Variants in SLC5A4 observed in about 807,000 individuals in gnomAD.
SLC5A4 encodes the protein probable glucose sensor protein SLC5A4.
A neutral mutation model predicts 70.3 loss-of-function variants in SLC5A4; 55 were observed. The observed-to-expected ratio is 0.78, with a 90% CI of 0.63 to 0.98. The LOEUF is 0.98. SLC5A4 is among the 50% of genes least tolerant of loss of function. The probability of loss-of-function intolerance (pLI) is 0.00; values close to 1 mark genes in which losing one functional copy is unlikely to be tolerated. For missense variants in SLC5A4, 735 were observed against 839.2 expected (o/e 0.88, Z 1.53); for synonymous variants, 268 against 305.7 (o/e 0.88, Z 1.29).
the SLC5A4 span, among the ~76,000 whole-genome samples, chr22:32,331,071 A>ATGTGTTGAAGGCTCTGGTGTGTG: frequency 4.7e-5 from 1 of 21,434 alleles, no homozygotes; most frequent in African/African-American, 1.8e-4. Context: ...TCTGGTGTGT[A>ATGTGTTGAAGGCTCTGGTGTGTG]TGTGTTGAAG....
chr22:32,221,011 C>G lies in SLC5A4; in HGVS notation c.1677G>C (p.Leu559=), dbSNP rs764507008. ...CTGTACTGTTCCGAAGAACCCAGCA[C>G]AGGCGGTACAGCTGAACAGGGACCA... ...KPIPDVHLYR[L]CWVLRNSTEE... Residue 559 remains leucine, a synonymous_variant, in exon 14 of 15, where the codon CTG becomes CTC. Coordinates refer to ENST00000266086, the MANE Select transcript of SLC5A4 (RefSeq NM_014227.3). The G allele has an allele frequency of 6.8e-6, 11 of 1,612,748 alleles. No individual in the cohort carries two copies. The South Asian group carries it at 1.1e-4, about 16-fold the overall frequency.
chr22:32,323,080 A>T, the SLC5A4 span, among the ~76,000 whole-genome samples: 605 of 152,312 alleles, frequency 4.0e-3, 8 homozygotes, highest in Non-Finnish European at 1.4e-3. Flanking sequence ...TTTGCTTAGA[A>T]ATTCTCAGGA....
At chr22:32,261,073 A>AAT in the SLC5A4 span, among the ~76,000 whole-genome samples, 24 of 149,882 alleles carry the variant, frequency 1.6e-4, no homozygotes, top group Admixed American at 1.4e-3. Context: ...AAAAAAAAAA[A>AAT]GTCACGAGCA....
chr22:32,275,524 A>G, the SLC5A4 span, among the ~76,000 whole-genome samples: 1 of 152,176 alleles, frequency 6.6e-6, no homozygotes, highest in Non-Finnish European at 1.5e-5. Flanking sequence ...AGCTTCATCC[A>G]CGTCCCTACA....
chr22:32,300,411 G>C, the SLC5A4 span, among the ~76,000 whole-genome samples: 12 of 152,130 alleles, frequency 7.9e-5, no homozygotes, highest in Non-Finnish European at 1.6e-4. Flanking sequence ...GGGTGGGAGT[G>C]ACCTGATTTT....
At chr22:32,312,386 C>CACACACATAT in the SLC5A4 span, among the ~76,000 whole-genome samples, 3 of 150,320 alleles carry the variant, frequency 2.0e-5, no homozygotes, top group Non-Finnish European at 4.4e-5. Flanking sequence ...CACACACACA[C>CACACACATAT]GCACATTCAA....
At chr22:32,279,146 G>T in the SLC5A4 span, among the ~76,000 whole-genome samples, 4 of 152,104 alleles carry the variant, frequency 2.6e-5, no homozygotes, top group Non-Finnish European at 5.9e-5. Context: ...CGTGGTGGCG[G>T]GCACCTGTAG....
intron 7 of SLC5A4, among the ~76,000 whole-genome samples, chr22:32,236,587 T>C (rs953766683): frequency 2.0e-5 from 3 of 152,218 alleles, no homozygotes; most frequent in African/African-American, 7.2e-5. Flanking sequence ...AAAAATTCTA[T>C]GTAAATGAAA....
the SLC5A4 span, among the ~76,000 whole-genome samples, chr22:32,351,486 A>G: frequency 1.3e-5 from 2 of 151,480 alleles, no homozygotes; most frequent in Non-Finnish European, 2.9e-5. Context: ...GGAAGATCAC[A>G]AGGTCAGGAG....
At chr22:32,321,035 C>T in the SLC5A4 span, among the ~76,000 whole-genome samples, 1 of 152,216 alleles carries the variant, frequency 6.6e-6, no homozygotes, top group Non-Finnish European at 1.5e-5. Flanking sequence ...CGCCTATAAT[C>T]CCAGCATTTT....
chr22:32,241,803 G>GTATGTGTA (rs1555989949), intron 5 of SLC5A4, among the ~76,000 whole-genome samples: 1 of 147,914 alleles, frequency 6.8e-6, no homozygotes, highest in African/African-American at 2.6e-5. Flanking sequence ...GTGTGTGTGT[G>GTATGTGTA]TATATATATC....
chr22:32,349,454 C>A, the SLC5A4 span, among the ~76,000 whole-genome samples: 1 of 152,198 alleles, frequency 6.6e-6, no homozygotes, highest in Admixed American at 6.5e-5. Flanking sequence ...ACATAGAAAT[C>A]TAACAGCTCC....
rs1926230045 is a variant in SLC5A4 at position 32,239,042 on chromosome 22, C to G, written c.526G>C (p.Asp176His). ...AGGATGAAGATTGCCAGGTAAAGGT[C>G]CAATCCCAAGGCCAGCTTGATGAAT... The part of the protein sequence containing the change: ...AIFIKLALGL[D>H]LYLAIFILLA... Residue 176 changes from aspartate to histidine, a missense_variant, in exon 6 of 15, where the codon GAC becomes CAC. Asp to His is a moderately conservative substitution (Grantham distance 81). Transcript: ENST00000266086. 1.2e-6 allele frequency: 2 copies of G among 1,613,946 alleles called. No homozygotes were observed. Among genetic ancestry groups the G allele is most frequent in the Admixed American group, 1.7e-5 (1 of 59,990 alleles).
At chr22:32,304,454 T>A in the SLC5A4 span, among the ~76,000 whole-genome samples, 1 of 132,548 alleles carries the variant, frequency 7.5e-6, no homozygotes, top group Non-Finnish European at 1.7e-5. Context: ...TTTTTTCTTT[T>A]TCTTTTTTGA....
intron 13 of SLC5A4, among the ~76,000 whole-genome samples, chr22:32,224,012 C>T (rs1037019502): frequency 2.0e-5 from 3 of 152,062 alleles, no homozygotes; most frequent in Non-Finnish European, 4.4e-5. Context: ...GCTCCGCCTC[C>T]CAGGTTCACG....
At chr22:32,239,558 A>ATATATATT in intron 5 of SLC5A4, among the ~76,000 whole-genome samples, 1 of 24,970 alleles carries the variant, frequency 4.0e-5, no homozygotes, top group South Asian at 7.5e-4. Context: ...ATATATATAT[A>ATATATATT]TATATATATA....
rs1397059221 is a variant in SLC5A4, at chr22:32,255,236, T to C, written c.94A>G (p.Ile32Val). ...HIRNAADISV[I>V]VIYFLVVMAV... ...ATCACCACCAGAAAATAGATGACAA[T>C]GACTGAGATGTCAGCAGCATTTCGG... Residue 32 changes from isoleucine to valine, a missense_variant, in exon 1 of 15, where the codon ATT becomes GTT. Coordinates refer to ENST00000266086, the MANE Select transcript of SLC5A4 (RefSeq NM_014227.3). The C allele has an allele frequency of 6.2e-7, 1 of 1,613,446 alleles. No individual in the cohort carries two copies. Among genetic ancestry groups the C allele is most frequent in the East Asian group, 2.2e-5 (1 of 44,844 alleles).
chr22:32,270,052 GA>G, the SLC5A4 span: 1 of 485,470 alleles, frequency 2.1e-6, no homozygotes, highest in South Asian at 1.8e-5. Context: ...TGCTGACAAG[GA>G]AGAGCCTCCC....
chr22:32,320,297 G>A, the SLC5A4 span, among the ~76,000 whole-genome samples: 2 of 152,156 alleles, frequency 1.3e-5, no homozygotes, highest in African/African-American at 4.8e-5. Context: ...CATTTCTTTG[G>A]AAGGCAATTT....
Sources: gnomAD v4.1 joint callset for allele counts (sites outside exome capture counted in the v4.1 genomes callset) on GRCh38, gnomAD v4.1.1 for gene constraint, MANE v1.5 for transcripts, NCBI Gene and HGNC (gene_info 2026-07-23, HGNC 2026-07-21) for gene names.